Variants in MAP4K4 observed in about 807,000 individuals in gnomAD.
The protein encoded by MAP4K4 is HPK/GCK-like kinase HGK.
A neutral mutation model predicts 189.6 loss-of-function variants in MAP4K4; 38 were observed. The observed-to-expected ratio is 0.20, with a 90% CI of 0.15 to 0.26. The LOEUF is 0.26. Among genes scored for constraint, MAP4K4 ranks in the 10% least tolerant of loss-of-function variants. MAP4K4 has a pLI of 1.00. For missense variants in MAP4K4, 1,054 were observed against 1,726.9 expected, an observed-to-expected ratio of 0.61 and a Z score of 6.91; for synonymous variants, 610 against 624.3, an observed-to-expected ratio of 0.98 and a Z score of 0.34.
chr2:101,761,497 GAT>G (rs1394304003), intron 2 of MAP4K4, among the ~76,000 whole-genome samples: 5 of 151,426 alleles, frequency 3.3e-5, no homozygotes, highest in African/African-American at 1.2e-4. Context: ...TTGCCTTCAG[GAT>G]TCTCTCACTT....
At chr2:101,882,432 G>C (rs1055759684) in intron 27 of MAP4K4, 119 bp from the exon 28 acceptor site, 3 of 666,946 alleles carry the variant, frequency 4.5e-6, no homozygotes, top group Non-Finnish European at 6.8e-6. Flanking sequence ...CTTGTGACTT[G>C]CCTTTCACTA....
chr2:101,859,804 G>A (rs1214860902), exon 15 of MAP4K4: 1 of 1,611,020 alleles, frequency 6.2e-7, no homozygotes, highest in African/African-American at 1.3e-5. Flanking sequence ...AAAGGAGCAA[G>A]CCAAGCTTCC....
chr2:101,770,381 T>G (rs6709332), intron 2 of MAP4K4, among the ~76,000 whole-genome samples: 1,586 of 151,618 alleles, frequency 0.01, 35 homozygotes, highest in African/African-American at 0.036. Flanking sequence ...CCCGAGTAGG[T>G]GGGATTACAG....
At chr2:101,755,834 C>G (rs1346282527) in intron 2 of MAP4K4, among the ~76,000 whole-genome samples, 1 of 150,794 alleles carries the variant, frequency 6.6e-6, no homozygotes, top group Admixed American at 6.6e-5. Flanking sequence ...TTTTCTTTCA[C>G]TAGGTGACGT....
chr2:101,792,730 G>A (rs2093137720), intron 3 of MAP4K4, among the ~76,000 whole-genome samples: 2 of 151,740 alleles, frequency 1.3e-5, no homozygotes, highest in Non-Finnish European at 2.9e-5. Flanking sequence ...CCACCTCCTG[G>A]GTTCAAGCAA....
At chr2:101,839,550 G>A (rs2096858948) in intron 9 of MAP4K4, among the ~76,000 whole-genome samples, 1 of 152,260 alleles carries the variant, frequency 6.6e-6, no homozygotes, top group East Asian at 1.9e-4. Flanking sequence ...TTTAAACCCA[G>A]TTCATTTAAA....
chr2:101,732,064 CAT>C (rs2058708247), intron 2 of MAP4K4, among the ~76,000 whole-genome samples: 1 of 152,004 alleles, frequency 6.6e-6, no homozygotes, highest in East Asian at 1.9e-4. Context: ...TTTATGGTAA[CAT>C]GTATGTAAAA....
At chr2:101,778,807 T>C (rs1267000267) in intron 2 of MAP4K4, among the ~76,000 whole-genome samples, 1 of 152,150 alleles carries the variant, frequency 6.6e-6, no homozygotes, top group African/African-American at 2.4e-5. Flanking sequence ...AAGCAGGTTC[T>C]GGAACACAGA....
chr2:101,740,360 T>C (rs2062148789), intron 2 of MAP4K4, among the ~76,000 whole-genome samples: 1 of 105,992 alleles, frequency 9.4e-6, no homozygotes, highest in Non-Finnish European at 1.6e-5. Flanking sequence ...TCACCGTTTT[T>C]AGCCGGGATG....
At chr2:101,743,608 AG>A (rs1423730546) in intron 2 of MAP4K4, among the ~76,000 whole-genome samples, 7 of 151,908 alleles carry the variant, frequency 4.6e-5, no homozygotes, top group Admixed American at 6.6e-5. Context: ...CATGTTTACT[AG>A]GGGGAAAATA....
intron 26 of MAP4K4, 45 bp downstream of exon 26, chr2:101,874,297 G>A: frequency 6.5e-7 from 1 of 1,537,664 alleles, no homozygotes; most frequent in Non-Finnish European, 8.8e-7. Flanking sequence ...TTTGTTCTGA[G>A]TGGTGGCTGG....
At chr2:101,799,547 C>T (rs944683095) in intron 3 of MAP4K4, among the ~76,000 whole-genome samples, 3 of 151,728 alleles carry the variant, frequency 2.0e-5, no homozygotes, top group African/African-American at 7.3e-5. Flanking sequence ...TACCTTTGCC[C>T]TGTGAACTGT....
intron 2 of MAP4K4, among the ~76,000 whole-genome samples, chr2:101,752,023 T>C (rs922014835): frequency 6.6e-6 from 1 of 152,174 alleles, no homozygotes; most frequent in Non-Finnish European, 1.5e-5. Context: ...GTGACCTCTG[T>C]GTTTGTAGGG....
intron 3 of MAP4K4, among the ~76,000 whole-genome samples, chr2:101,812,993 G>A (rs2095523229): frequency 6.6e-6 from 1 of 152,154 alleles, no homozygotes; most frequent in Non-Finnish European, 1.5e-5. Flanking sequence ...GCTGGGCACG[G>A]TGGCGGGTGC....
At chr2:101,724,570 TCA>T (rs2054148780) in intron 2 of MAP4K4, among the ~76,000 whole-genome samples, 1 of 152,250 alleles carries the variant, frequency 6.6e-6, no homozygotes, top group Non-Finnish European at 1.5e-5. Context: ...TTTTAGGTCT[TCA>T]TTTGTCACTT....
chr2:101,854,365 A>C (rs1395603914), intron 12 of MAP4K4, among the ~76,000 whole-genome samples: 2 of 152,112 alleles, frequency 1.3e-5, no homozygotes, highest in Non-Finnish European at 2.9e-5. Flanking sequence ...TCATTTTATG[A>C]CCCCATCTCC....
At chr2:101,731,253 A>G (rs2058352075) in intron 2 of MAP4K4, among the ~76,000 whole-genome samples, 1 of 151,454 alleles carries the variant, frequency 6.6e-6, no homozygotes, top group Admixed American at 6.6e-5. Context: ...AGTAGCTGGG[A>G]TTACGGGTGT....
intron 2 of MAP4K4, among the ~76,000 whole-genome samples, chr2:101,769,369 G>A (rs941020562): frequency 1.3e-5 from 2 of 152,162 alleles, no homozygotes; most frequent in Non-Finnish European, 1.5e-5. Context: ...ATGAAAGTTT[G>A]TTCTTAAGTG....
chr2:101,790,904 G>A, intron 3 of MAP4K4, 128 bp downstream of exon 3: 1 of 782,522 alleles, frequency 1.3e-6, no homozygotes, highest in South Asian at 1.6e-5. Flanking sequence ...GTGACATTGT[G>A]GGTTCATAGG....
Sources: allele counts gnomAD v4.1 joint callset (sites outside exome capture counted in the v4.1 genomes callset), GRCh38; gene constraint gnomAD v4.1.1; transcripts MANE v1.5; gene names NCBI Gene and HGNC (gene_info 2026-07-23, HGNC 2026-07-21).